STAT4: variants seen among roughly 807,000 people sequenced by gnomAD.
STAT4 encodes the protein signal transducer and activator of transcription 4.
A neutral mutation model predicts 110.5 loss-of-function variants in STAT4; 42 were observed. The observed-to-expected ratio is 0.38, with a 90% CI of 0.30 to 0.49. The LOEUF is 0.49. Among genes scored for constraint, STAT4 ranks in the 20% least tolerant of loss-of-function variants. The pLI is 0.95. For missense variants in STAT4, 632 were observed against 887.9 expected (o/e 0.71, Z 3.66); for synonymous variants, 284 against 302.2 (o/e 0.94, Z 0.63).
At position 191,029,710 on chromosome 2, in the gene STAT4, T is replaced by A. The variant is rs1695831248; in HGVS notation, c.*130A>T. The A allele has an allele frequency of 2.4e-6, 2 of 842,246 alleles. No homozygotes were observed. The highest frequency in any genetic ancestry group is 3.1e-5 in the South Asian group (2 of 63,818). 52.2% of individuals were successfully genotyped at this position (842,246 alleles called of 1,614,324 possible). A position where few individuals can be genotyped will look rare whatever the true frequency, so the allele number is the denominator to read the frequency against. ...AGTGCCACGGGAGTGTGAAGAGAGC[T>A]TCAGATGTCAAACATTTCCTAGAAC... On this transcript the variant is annotated 3_prime_UTR_variant, in exon 24 of 24. Coordinates refer to ENST00000392320, the MANE Select transcript of STAT4 (RefSeq NM_003151.4). The surrounding 1 kb of genome is among the most constrained non-coding windows in gnomAD (Gnocchi z 4.5).
Position 191,042,283 on chromosome 2 carries a change from A to T in STAT4, c.1252-1135T>A, listed in dbSNP as rs1416470441. 6.6e-6 allele frequency among the ~76,000 whole-genome samples: 1 copy of T among 152,220 alleles called. No homozygotes were observed. The highest frequency in any genetic ancestry group is 1.5e-5 in the Non-Finnish European group (1 of 68,038). ...TTGACAAAGACTTTCACATGAAATA[A>T]GAATGCAAAAACAAAAAACTCAGAG... On this transcript the variant is annotated intron_variant, in intron 14 of 23. Transcript: ENST00000392320. This position sits in a 1 kb window ranked among gnomAD's most constrained non-coding sequence, Gnocchi z 4.2.
chr2:191,061,038 C>T lies in STAT4; in HGVS notation c.1034+691G>A, dbSNP rs1236312493. ...CTTGGAGTTTCAGGCATGATGAGAA[C>T]CTTTGAAAGTAAGAACTCAAACTCA... On this transcript the variant is annotated intron_variant, in intron 10 of 23. Coordinates refer to ENST00000392320, the MANE Select transcript of STAT4 (RefSeq NM_003151.4). This position sits in a 1 kb window ranked among gnomAD's most constrained non-coding sequence, Gnocchi z 6.2. Among the ~76,000 whole-genome samples, 1 of 152,090 alleles carries T rather than the reference C, an allele frequency of 6.6e-6. No individual in the cohort carries two copies. Among genetic ancestry groups the T allele is most frequent in the African/African-American group, 2.4e-5 (1 of 41,398 alleles).
upstream of STAT4, chr2:191,151,330 T>G: frequency 1.0e-6 from 1 of 985,606 alleles, no homozygotes; most frequent in Non-Finnish European, 1.2e-6. The surrounding 1 kb of genome is among the most constrained non-coding windows in gnomAD (Gnocchi z 4.7). Context: ...GCAGAGTTAC[T>G]TACCTGGAGC....
rs1173812880 is a variant in STAT4 at position 191,091,018 on chromosome 2, C to G, written c.274-14693G>C. On this transcript the variant is annotated intron_variant, in intron 3 of 23. Coordinates refer to ENST00000392320, the MANE Select transcript of STAT4 (RefSeq NM_003151.4). This position sits in a 1 kb window ranked among gnomAD's most constrained non-coding sequence, Gnocchi z 5.4. ...CACTCTGAAAAGCAGCTGGAGAGCCCTTTGTACAAAGTCAGAGGACCTGGG... is the reference window on the plus strand; with the variant it reads ...CACTCTGAAAAGCAGCTGGAGAGCCGTTTGTACAAAGTCAGAGGACCTGGG... Among the ~76,000 whole-genome samples the G allele has an allele frequency of 6.6e-6, 1 of 152,142 alleles. No homozygotes were observed. Among genetic ancestry groups the G allele is most frequent in the Admixed American group, 6.5e-5 (1 of 15,282 alleles).
At chr2:191,115,863 G>T (rs981691500) in intron 3 of STAT4, among the ~76,000 whole-genome samples, 5 of 152,168 alleles carry the variant, frequency 3.3e-5, no homozygotes, top group Non-Finnish European at 7.3e-5. Context: ...TTCAATTTGG[G>T]AGGTGGAGAA....
intron 6 of STAT4, among the ~76,000 whole-genome samples, chr2:191,068,895 C>T (rs146689770): frequency 1.3e-5 from 2 of 151,982 alleles, no homozygotes; most frequent in East Asian, 3.9e-4. Context: ...TGTTCTCTTC[C>T]CCTTCATTTT....
intron 3 of STAT4, among the ~76,000 whole-genome samples, chr2:191,111,660 C>T (rs979330050): frequency 7.2e-5 from 11 of 152,064 alleles, no homozygotes; most frequent in Non-Finnish European, 1.3e-4. Flanking sequence ...AGAGACCAGC[C>T]TGGGCAACAT....
rs1015689007 is a variant in STAT4 at position 191,055,201 on chromosome 2, T to C, written c.1207-667A>G. On this transcript the variant is annotated intron_variant, in intron 13 of 23. Transcript: ENST00000392320. ...GGTGACAATTTTTAAAATTTTTCTT[T>C]TTTTTCTTTTTTTTTGAGATGGAGT... Among the ~76,000 whole-genome samples the C allele has an allele frequency of 5.3e-5, 8 of 151,816 alleles. No homozygotes were observed. In the South Asian group the frequency reaches 6.2e-4, roughly 12 times the overall value.
intron 14 of STAT4, 181 bp from the exon 15 acceptor site, chr2:191,041,329 C>A (rs1272091307): frequency 4.0e-6 from 1 of 247,302 alleles, no homozygotes; most frequent in African/African-American, 2.3e-5. Context: ...TTTGGAAAAT[C>A]TTCATTTCCC....
chr2:191,037,086 T>C lies in STAT4; in HGVS notation c.1435-787A>G, dbSNP rs1696065829. 1.3e-5 allele frequency among the ~76,000 whole-genome samples: 2 copies of C among 152,150 alleles called. No homozygotes were observed. Among genetic ancestry groups the C allele is most frequent in the Admixed American group, 1.3e-4 (2 of 15,272 alleles). On this transcript the variant is annotated intron_variant, in intron 16 of 23. Transcript: ENST00000392320. The surrounding 1 kb of genome is among the most constrained non-coding windows in gnomAD (Gnocchi z 4.8). ...AACTTAACATTGTCCAAAAAGTAAT[T>C]TGACAGATACTCTTTTCTAAAACAA...
At chr2:191,092,175 G>A (rs532863248) in intron 3 of STAT4, among the ~76,000 whole-genome samples, 1 of 152,156 alleles carries the variant, frequency 6.6e-6, no homozygotes, top group Non-Finnish European at 1.5e-5. Flanking sequence ...GGAGGTTGAG[G>A]GGGGCAGATC....
rs1698222286 is a variant in STAT4, at chr2:191,104,437, G to A, written c.274-28112C>T. On this transcript the variant is annotated intron_variant, in intron 3 of 23. Transcript: ENST00000392320. The surrounding 1 kb of genome is among the most constrained non-coding windows in gnomAD (Gnocchi z 4.3). ...GCTTTAGAATCAGTGTTCATTTTTT[G>A]TTCAATTACCAAAAATATTAAATTC... 6.6e-6 allele frequency among the ~76,000 whole-genome samples: 1 copy of A among 152,000 alleles called. No homozygotes were observed. Among genetic ancestry groups the A allele is most frequent in the Non-Finnish European group, 1.5e-5 (1 of 67,968 alleles).
chr2:191,067,996 A>G (rs1193935844), intron 6 of STAT4: 5 of 152,184 alleles, frequency 3.3e-5, no homozygotes, highest in African/African-American at 1.2e-4. Flanking sequence ...TAACTCCTAG[A>G]TCCCATACAT....
rs775435740 is a variant in STAT4, at chr2:191,031,452, T to A, written c.2109A>T (p.Thr703=). ...YVPSVFIPIS[T]IRSDSTEPHS... ...CACATGTGACTAACATTACTCACATTGTTGAGATGGGGATAAAAACAGAAG... is the reference window on the plus strand; with the variant it reads ...CACATGTGACTAACATTACTCACATAGTTGAGATGGGGATAAAAACAGAAG... Residue 703 remains threonine, a splice_region_variant and synonymous_variant, in exon 22 of 24, where the codon ACA becomes ACT. Coordinates refer to ENST00000392320, the MANE Select transcript of STAT4 (RefSeq NM_003151.4). The surrounding 1 kb of genome is among the most constrained non-coding windows in gnomAD (Gnocchi z 4.8). 1 of 1,611,946 alleles carries A rather than the reference T, an allele frequency of 6.2e-7. No homozygotes were observed. Among genetic ancestry groups the A allele is most frequent in the South Asian group, 1.1e-5 (1 of 90,492 alleles).
chr2:191,133,371 G>A (rs1699095410), intron 3 of STAT4, among the ~76,000 whole-genome samples: 1 of 151,140 alleles, frequency 6.6e-6, no homozygotes, highest in Non-Finnish European at 1.5e-5. Flanking sequence ...GCAAGAAAAA[G>A]GCAAGTAAAT....
In STAT4 at chr2:191,043,747, T is replaced by C. The variant is rs891172457; in HGVS notation, c.1252-2599A>G. 4.1e-4 allele frequency among the ~76,000 whole-genome samples: 63 copies of C among 152,160 alleles called. No homozygotes were observed. The highest frequency in any genetic ancestry group is 1.5e-3 in the African/African-American group (63 of 41,434). On this transcript the variant is annotated intron_variant, in intron 14 of 23. Coordinates refer to ENST00000392320, the MANE Select transcript of STAT4 (RefSeq NM_003151.4). This position sits in a 1 kb window ranked among gnomAD's most constrained non-coding sequence, Gnocchi z 4.8. ...TGTGTATATTTATAGAGCAAAAAAC[T>C]ATACAGCGTTGGAATAAATGATCCA...
In STAT4 at chr2:191,036,144, C is replaced by T. The variant is rs761660379; in HGVS notation, c.1570+20G>A. On this transcript the variant is annotated intron_variant, in intron 17 of 23. Transcript: ENST00000392320. Reference sequence around the variant, plus strand: ...AGGGCCAAAAACAGAGGCAAATCCTCTCTATCTACCAGCTCTCACCTGTAA... The same window carrying T: ...AGGGCCAAAAACAGAGGCAAATCCTTTCTATCTACCAGCTCTCACCTGTAA... The T allele has an allele frequency of 1.2e-6, 2 of 1,609,422 alleles. No homozygotes were observed. The highest frequency in any genetic ancestry group is 2.7e-5 in the African/African-American group (2 of 74,756).
rs1224457987 is a variant in STAT4, at chr2:191,043,871, G to A, written c.1252-2723C>T. 6.6e-6 allele frequency among the ~76,000 whole-genome samples: 1 copy of A among 152,100 alleles called. No individual in the cohort carries two copies. Among genetic ancestry groups the A allele is most frequent in the Non-Finnish European group, 1.5e-5 (1 of 68,022 alleles). On this transcript the variant is annotated intron_variant, in intron 14 of 23. Coordinates refer to ENST00000392320, the MANE Select transcript of STAT4 (RefSeq NM_003151.4). This position sits in a 1 kb window ranked among gnomAD's most constrained non-coding sequence, Gnocchi z 4.8. ...ATATATACATAAGGATGCCATTTATGTAAAATCTAAATTTATAATACAGAA... is the reference window on the plus strand; with the variant it reads ...ATATATACATAAGGATGCCATTTATATAAAATCTAAATTTATAATACAGAA...
At position 191,116,234 on chromosome 2, in the gene STAT4, G is replaced by A. The variant is rs374173631; in HGVS notation, c.273+30379C>T. On this transcript the variant is annotated intron_variant, in intron 3 of 23. Coordinates refer to ENST00000392320, the MANE Select transcript of STAT4 (RefSeq NM_003151.4). This position sits in a 1 kb window ranked among gnomAD's most constrained non-coding sequence, Gnocchi z 4.1. The stretch of plus-strand genomic sequence containing the variant: ...CACTGATGCTGACAAGAGGGAATTG[G>A]TTTGATAATACAGTGCTTTTACACC... 1.9e-4 allele frequency among the ~76,000 whole-genome samples: 29 copies of A among 152,278 alleles called. 1 individual carries two copies. Among genetic ancestry groups the A allele is most frequent in the African/African-American group, 6.5e-4 (27 of 41,558 alleles).
Sources: gnomAD v4.1 joint callset for allele counts (sites outside exome capture counted in the v4.1 genomes callset) on GRCh38, gnomAD v4.1.1 for gene constraint, Gnocchi (gnomAD v3.1) non-coding constraint, MANE v1.5 for transcripts, NCBI Gene and HGNC (gene_info 2026-07-23, HGNC 2026-07-21) for gene names.